CCNY: variants seen among roughly 807,000 people sequenced by gnomAD.
CCNY encodes the protein cyclin-Y.
In CCNY, 19 loss-of-function variants were observed where a neutral mutation model predicts 42.8. That is an observed-to-expected ratio of 0.44 (90% CI 0.31 to 0.65). The LOEUF is 0.65. Ranked by LOEUF, CCNY falls within the 30% of genes least tolerant of loss-of-function variation. The pLI is 0.07. For synonymous variants in CCNY, 165 were observed against 162.7 expected (o/e 1.01, Z -0.11); for missense variants, 370 against 437.3 (o/e 0.85, Z 1.37).
chr10:35,251,589 CTTTT>C (rs34197441), intron 3 of CCNY, among the ~76,000 whole-genome samples: 3 of 139,356 alleles, frequency 2.2e-5, no homozygotes, highest in Non-Finnish European at 1.6e-5. Context: ...TTCAATGTCA[CTTTT>C]TTTTTTTTTT....
intron 1 of CCNY, among the ~76,000 whole-genome samples, chr10:35,396,734 A>T (rs1589089186): frequency 6.6e-6 from 1 of 152,268 alleles, no homozygotes; most frequent in African/African-American, 2.4e-5. Context: ...GCAGCGTGGG[A>T]GCAGTCGCTG....
chr10:35,378,081 T>C (rs1837094120), intron 1 of CCNY, among the ~76,000 whole-genome samples: 1 of 152,254 alleles, frequency 6.6e-6, no homozygotes, highest in Non-Finnish European at 1.5e-5. Context: ...CACTGTGGAA[T>C]CTGAAATCAT....
At chr10:35,288,869 A>C (rs1835382566) in intron 3 of CCNY, among the ~76,000 whole-genome samples, 1 of 152,202 alleles carries the variant, frequency 6.6e-6, no homozygotes, top group South Asian at 2.1e-4. Context: ...AGTAAGTCTT[A>C]AAATCAGGCA....
At chr10:35,526,471 AAGTC>A (rs1470122891) in intron 5 of CCNY, among the ~76,000 whole-genome samples, 15 of 152,230 alleles carry the variant, frequency 9.9e-5, no homozygotes, top group Admixed American at 9.8e-4. Flanking sequence ...TTAATTTTAA[AAGTC>A]AGTTAAAACA....
At chr10:35,568,746 G>A (rs577326914) in intron 9 of CCNY, among the ~76,000 whole-genome samples, 1 of 152,348 alleles carries the variant, frequency 6.6e-6, no homozygotes, top group East Asian at 1.9e-4. Context: ...TGTGGGTGGG[G>A]CCCGTCCCAC....
At chr10:35,332,463 CAGT>C (rs1835956837), upstream of CCNY, 1 of 152,170 alleles carries the variant, frequency 6.6e-6, no homozygotes, top group South Asian at 2.1e-4. Flanking sequence ...TTGTTTTTAT[CAGT>C]AGATCTATAA....
chr10:35,278,080 G>A (rs1361385692), intron 3 of CCNY, among the ~76,000 whole-genome samples: 1 of 152,056 alleles, frequency 6.6e-6, no homozygotes, highest in African/African-American at 2.4e-5. Context: ...AAAGTCTTTG[G>A]CAGGAGTGTC....
chr10:35,546,954 G>C, intron 7 of CCNY, among the ~76,000 whole-genome samples: 1 of 152,144 alleles, frequency 6.6e-6, no homozygotes, highest in Admixed American at 6.5e-5. Context: ...CTGGGATCTG[G>C]GTGAAGATTG....
intron 1 of CCNY, among the ~76,000 whole-genome samples, chr10:35,480,556 C>G (rs1361589361): frequency 6.6e-6 from 1 of 152,154 alleles, no homozygotes; most frequent in Non-Finnish European, 1.5e-5. Context: ...CCTCTGAATT[C>G]AGGGAGAGCT....
intron 8 of CCNY, among the ~76,000 whole-genome samples, chr10:35,559,079 C>T (rs999921780): frequency 6.6e-6 from 1 of 152,142 alleles, no homozygotes; most frequent in Non-Finnish European, 1.5e-5. Context: ...CTGGTGAAGA[C>T]TCAGAAAAGA....
chr10:35,504,167 G>A (rs1007666006), intron 3 of CCNY, among the ~76,000 whole-genome samples: 1 of 152,186 alleles, frequency 6.6e-6, no homozygotes. Context: ...CTATTTAAGA[G>A]AAATGAATAC....
At chr10:35,459,476 C>T (rs188928065) in intron 1 of CCNY, among the ~76,000 whole-genome samples, 182 of 152,232 alleles carry the variant, frequency 1.2e-3, no homozygotes, top group African/African-American at 4.3e-3. Flanking sequence ...TCTTTTTCTT[C>T]CATTGTGGCC....
intron 1 of CCNY, among the ~76,000 whole-genome samples, chr10:35,383,953 A>AAAT (rs1837248007): frequency 3.5e-5 from 5 of 141,958 alleles, no homozygotes; most frequent in African/African-American, 1.5e-4. Flanking sequence ...TGAGAGTAAG[A>AAAT]ATATATATAT....
chr10:35,406,241 A>T (rs1267515756), intron 1 of CCNY, among the ~76,000 whole-genome samples: 79 of 96,608 alleles, frequency 8.2e-4, no homozygotes, highest in African/African-American at 1.9e-3. Flanking sequence ...TTATTTATTT[A>T]TTTTTTTATT....
At chr10:35,370,757 C>G (rs1353365115) in intron 1 of CCNY, among the ~76,000 whole-genome samples, 1 of 151,648 alleles carries the variant, frequency 6.6e-6, no homozygotes. Flanking sequence ...GCACTTTCGC[C>G]CAGGCTGGAG....
chr10:35,365,387 A>G (rs905051523), intron 1 of CCNY, among the ~76,000 whole-genome samples: 12 of 152,252 alleles, frequency 7.9e-5, no homozygotes, highest in South Asian at 2.1e-4. Context: ...GCCAATACAT[A>G]GATTCATTTC....
At chr10:35,312,747 CTTTTTT>C (rs10688043) in intron 3 of CCNY, among the ~76,000 whole-genome samples, 7 of 112,158 alleles carry the variant, frequency 6.2e-5, no homozygotes, top group East Asian at 2.8e-4. Flanking sequence ...TTCCTTTTTA[CTTTTTT>C]TTTTTTTTTT....
intron 3 of CCNY, among the ~76,000 whole-genome samples, chr10:35,313,514 G>A (rs1046529907): frequency 3.3e-5 from 5 of 152,088 alleles, no homozygotes; most frequent in Non-Finnish European, 5.9e-5. Flanking sequence ...ACAAAGTCCC[G>A]TGCCTGTGCC....
intron 1 of CCNY, among the ~76,000 whole-genome samples, chr10:35,412,783 C>T (rs1729294340): frequency 6.9e-6 from 1 of 144,454 alleles, no homozygotes; most frequent in Non-Finnish European, 1.5e-5. Context: ...ATTGCTCGAA[C>T]CCAGGAGGCG....
Sources: gnomAD v4.1 joint callset for allele counts (sites outside exome capture counted in the v4.1 genomes callset) on GRCh38, gnomAD v4.1.1 for gene constraint, MANE v1.5 for transcripts, NCBI Gene and HGNC (gene_info 2026-07-23, HGNC 2026-07-21) for gene names.